The following TYRP1 variants were observed in gnomAD, a reference collection of about 807,000 sequenced individuals.
TYRP1 encodes 5,6-dihydroxyindole-2-carboxylic acid oxidase.
A neutral mutation model predicts 42.8 loss-of-function variants in TYRP1; 49 were observed. That is an observed-to-expected ratio of 1.14 (90% CI 0.91 to 1.45). The LOEUF (loss-of-function observed/expected upper bound fraction) is 1.45, where lower values mean the gene tolerates loss of function less well. Among genes scored for constraint, TYRP1 ranks in the 40% most tolerant of loss-of-function variants. The pLI, the probability that TYRP1 is intolerant of heterozygous loss-of-function variation, is 0.00. For missense variants in TYRP1, 848 were observed against 662.0 expected (o/e 1.28, Z -3.08); for synonymous variants, 279 against 235.4 (o/e 1.19, Z -1.69).
Position 12,708,144 on chromosome 9 carries a change from G to A in TYRP1, c.1408+1G>A, listed in dbSNP as rs1818291116. 1.2e-6 allele frequency: 2 copies of A among 1,612,362 alleles called. No individual in the cohort carries two copies. The highest frequency in any genetic ancestry group is 2.7e-5 in the African/African-American group (2 of 74,798). On this transcript the variant is annotated splice_donor_variant, in intron 7 of 7. Transcript: ENST00000388918. LOFTEE classifies it high-confidence loss of function. Reference sequence around the variant, plus strand: ...TACACTTATGAAATTCAATGGCCAAGTGAGTGTTGAAAGTGTATTTTTACT... The same window carrying A: ...TACACTTATGAAATTCAATGGCCAAATGAGTGTTGAAAGTGTATTTTTACT...
chr9:12,693,456 G>T lies in TYRP1; in HGVS notation c.-108G>T, dbSNP rs2118214673. ...ATTCAATTCTAAGAGAAGTTCATCA[G>T]AGACATCCTTCAGGATTGTGAGGTA... On this transcript the variant is annotated 5_prime_UTR_variant, in exon 1 of 8. Coordinates refer to ENST00000388918, the MANE Select transcript of TYRP1 (RefSeq NM_000550.3). 6.4e-6 allele frequency: 1 copy of T among 156,900 alleles called. No homozygotes were observed. The highest frequency in any genetic ancestry group is 1.9e-4 in the South Asian group (1 of 5,314). The allele number at this position is 156,900 out of a possible 1,614,324, so 9.7% of individuals were successfully genotyped here.
rs1320444477 is a variant in TYRP1 at position 12,710,194 on chromosome 9, A to G, written c.*1012A>G. ...CTTTTTGATCTTGTGCTATGAAACA[A>G]TCTTCCAAAGAACTGTATAAGGTGG... is the stretch of plus-strand genomic sequence containing the variant. On this transcript the variant is annotated 3_prime_UTR_variant, in exon 8 of 8. Coordinates refer to ENST00000388918, the MANE Select transcript of TYRP1 (RefSeq NM_000550.3). 6.6e-6 allele frequency: 1 copy of G among 151,640 alleles called. No individual in the cohort carries two copies. Among genetic ancestry groups the G allele is most frequent in the African/African-American group, 2.4e-5 (1 of 41,374 alleles). 9.4% of individuals were successfully genotyped at this position (151,640 alleles called of 1,614,324 possible).
intron 4 of TYRP1, among the ~76,000 whole-genome samples, chr9:12,699,633 G>A (rs184700984): frequency 1.1e-4 from 16 of 152,168 alleles, no homozygotes; most frequent in African/African-American, 3.1e-4. Flanking sequence ...ATAGGAATAA[G>A]AGAAGTGATA....
chr9:12,709,184 A>AAAT lies in TYRP1; in HGVS notation c.*3_*5dup. 1 of 1,612,078 alleles carries AAAT rather than the reference A, an allele frequency of 6.2e-7. No homozygotes were observed. Among genetic ancestry groups the AAAT allele is most frequent in the Non-Finnish European group, 8.5e-7 (1 of 1,178,632 alleles). On this transcript the variant is annotated 3_prime_UTR_variant, in exon 8 of 8. Transcript: ENST00000388918. ...AATCCTAATCAGTCTGTGGTCTAAC[A>AAAT]AATGCCCTACTCTCTTATGCATTAG...
At chr9:12,704,166 G>C (rs1002507456) in intron 5 of TYRP1, among the ~76,000 whole-genome samples, 4 of 151,966 alleles carry the variant, frequency 2.6e-5, no homozygotes, top group African/African-American at 9.7e-5. Flanking sequence ...TCTCCCAATT[G>C]TGTCAGCAGT....
chr9:12,695,119 A>G (rs1194059697), intron 2 of TYRP1, among the ~76,000 whole-genome samples: 1 of 152,190 alleles, frequency 6.6e-6, no homozygotes, highest in Admixed American at 6.5e-5. Flanking sequence ...ATGTGCCCAA[A>G]GTCATAGAAT....
rs7847502 is a variant in TYRP1, at chr9:12,704,458, T to C, written c.1082-68T>C. 20 of 1,550,266 alleles carry C rather than the reference T, an allele frequency of 1.3e-5. No individual in the cohort carries two copies. The African/African-American group carries it at 2.3e-4, about 18-fold the overall frequency. ...AAAAAATTGTTTCCCAATATAATCATTGCTATTACCTGGAAAAGTGAAATA... is the reference window on the plus strand; with the variant it reads ...AAAAAATTGTTTCCCAATATAATCACTGCTATTACCTGGAAAAGTGAAATA... On this transcript the variant is annotated intron_variant, in intron 5 of 7. Transcript: ENST00000388918.
In TYRP1 at chr9:12,709,025, C is replaced by T. The variant is rs1279131328; in HGVS notation, c.1457C>T (p.Ala486Val). The change falls in exon 8 of 8, where the codon GCT becomes GTT. Residue 486 changes from alanine to valine, a missense_variant. Ala to Val is a moderately conservative substitution (Grantham distance 64, BLOSUM62 0). Coordinates refer to ENST00000388918, the MANE Select transcript of TYRP1 (RefSeq NM_000550.3). ...PEIIAIAVVG[A>V]LLLVALIFGT... ...ATAATTGCCATAGCAGTAGTTGGCG[C>T]TTTGTTACTGGTTGCACTCATTTTT... The T allele has an allele frequency of 2.5e-6, 4 of 1,612,720 alleles. No individual in the cohort carries two copies. The highest frequency in any genetic ancestry group is 2.5e-6 in the Non-Finnish European group (3 of 1,179,212).
At position 12,698,091 on chromosome 9, in the gene TYRP1, G is replaced by T. The variant is rs945395209; in HGVS notation, c.709-360G>T. 3.9e-5 allele frequency among the ~76,000 whole-genome samples: 6 copies of T among 152,030 alleles called. 1 individual carries two copies. The highest frequency in any genetic ancestry group is 1.4e-4 in the African/African-American group (6 of 41,402). On this transcript the variant is annotated intron_variant, in intron 3 of 7. Transcript: ENST00000388918. ...TAAAGATAGGAAAATGGAAGAAGGT[G>T]GAAATGCCAAGAAGTGGATGTTGTT...
rs779483955 is a variant in TYRP1 at position 12,708,149 on chromosome 9, T to G, written c.1408+6T>G. On this transcript the variant is annotated splice_donor_region_variant and intron_variant, in intron 7 of 7. Coordinates refer to ENST00000388918, the MANE Select transcript of TYRP1 (RefSeq NM_000550.3). ...TTATGAAATTCAATGGCCAAGTGAG[T>G]GTTGAAAGTGTATTTTTACTGTGAT... is the stretch of plus-strand genomic sequence containing the variant. 3 of 1,612,274 alleles carry G rather than the reference T, an allele frequency of 1.9e-6. No individual in the cohort carries two copies. The highest frequency in any genetic ancestry group is 2.5e-6 in the Non-Finnish European group (3 of 1,179,008).
chr9:12,706,335 T>C (rs1192755276), intron 6 of TYRP1, among the ~76,000 whole-genome samples: 2 of 152,010 alleles, frequency 1.3e-5, no homozygotes, highest in Non-Finnish European at 2.9e-5. Flanking sequence ...TTCTTTCACC[T>C]ATGAAAGAAA....
chr9:12,700,495 C>CAAAT (rs890331192), intron 4 of TYRP1: 5 of 152,002 alleles, frequency 3.3e-5, no homozygotes, highest in Admixed American at 6.6e-5. Context: ...CAGTACTTCT[C>CAAAT]AAATATATTT....
intron 6 of TYRP1, 56 bp from the exon 7 acceptor site, chr9:12,707,941 G>T: frequency 2.0e-6 from 3 of 1,519,260 alleles, no homozygotes; most frequent in Non-Finnish European, 2.7e-6. Flanking sequence ...ACTCAATAAT[G>T]ATAGGAATAT....
At position 12,695,728 on chromosome 9, in the gene TYRP1, T is replaced by G. The variant is rs779391347; in HGVS notation, c.599T>G (p.Phe200Cys). 7.4e-6 allele frequency: 12 copies of G among 1,614,180 alleles called. No homozygotes were observed. The highest frequency in any genetic ancestry group is 1.0e-5 in the Non-Finnish European group (12 of 1,180,034). The change falls in exon 3 of 8, where the codon TTC becomes TGC. Residue 200 changes from phenylalanine to cysteine, a missense_variant. Physicochemically the swap from Phe to Cys is radical, Grantham distance 205. Transcript: ENST00000388918. ...CACTATTACTCAGTCAAAAAGACTT[T>G]CCTTGGGGTAGGACAGGAAAGCTTT... ...WTHYYSVKKT[F>C]LGVGQESFGE...
chr9:12,708,772 A>AAAAT (rs1818303917), intron 7 of TYRP1, among the ~76,000 whole-genome samples: 1 of 151,956 alleles, frequency 6.6e-6, no homozygotes, highest in African/African-American at 2.4e-5. Context: ...TCACTTTCAC[A>AAAAT]AAATGAAATG....
rs890022965 is a variant in TYRP1, at chr9:12,705,064, T to A, written c.1261+359T>A. On this transcript the variant is annotated intron_variant, in intron 6 of 7. Coordinates refer to ENST00000388918, the MANE Select transcript of TYRP1 (RefSeq NM_000550.3). The stretch of plus-strand genomic sequence containing the variant: ...ATAAATGAGGAAAACCTTATAGAGC[T>A]CTTCTTTGATATCCCAAAAGACTAA... Among the ~76,000 whole-genome samples the A allele has an allele frequency of 5.3e-5, 8 of 152,038 alleles. No homozygotes were observed. The East Asian group carries it at 1.5e-3, about 29-fold the overall frequency.
Position 12,702,409 on chromosome 9 carries a change from C to G in TYRP1, c.1052C>G (p.Ser351Cys), listed in dbSNP as rs1447123209. 1 of 1,612,844 alleles carries G rather than the reference C, an allele frequency of 6.2e-7. No homozygotes were observed. The highest frequency in any genetic ancestry group is 8.5e-7 in the Non-Finnish European group (1 of 1,179,324). ...LFDTPPFYSN[S>C]TNSFRNTVEG... ...GACACGCCTCCTTTTTATTCCAACTCTACAAACAGTTTCCGAAACACAGTG... is the reference window on the plus strand; with the variant it reads ...GACACGCCTCCTTTTTATTCCAACTGTACAAACAGTTTCCGAAACACAGTG... Residue 351 changes from serine to cysteine, a missense_variant, in exon 5 of 8, where the codon TCT becomes TGT. Transcript: ENST00000388918.
intron 6 of TYRP1, among the ~76,000 whole-genome samples, chr9:12,705,668 G>A (rs1352976359): frequency 6.6e-6 from 1 of 151,992 alleles, no homozygotes; most frequent in African/African-American, 2.4e-5. Flanking sequence ...TCAACATGGT[G>A]AAACCCCGTC....
chr9:12,706,886 A>G (rs1308196944), intron 6 of TYRP1, among the ~76,000 whole-genome samples: 1 of 151,976 alleles, frequency 6.6e-6, no homozygotes, highest in Non-Finnish European at 1.5e-5. Flanking sequence ...ACAAATATAG[A>G]AAGCTCTTTA....
Sources: allele counts gnomAD v4.1 joint callset (sites outside exome capture counted in the v4.1 genomes callset), GRCh38; gene constraint gnomAD v4.1.1; transcripts MANE v1.5; gene names NCBI Gene and HGNC (gene_info 2026-07-23, HGNC 2026-07-21).